TYR: variants seen among roughly 807,000 people sequenced by gnomAD.
TYR encodes tyrosinase.
TYR carries 58 observed loss-of-function variants against 51.5 expected under a neutral mutation model. The observed-to-expected ratio is 1.13, with a 90% CI of 0.91 to 1.40. The LOEUF (loss-of-function observed/expected upper bound fraction) is 1.40. TYR is among the 40% of genes most tolerant of loss of function. The pLI is 0.00. For synonymous variants in TYR, 263 were observed against 235.2 expected (o/e 1.12, Z -1.08); for missense variants, 732 against 647.4 (o/e 1.13, Z -1.42).
chr11:89,257,619 A>G (rs928230636), intron 3 of TYR, among the ~76,000 whole-genome samples: 2 of 152,094 alleles, frequency 1.3e-5, no homozygotes, highest in African/African-American at 4.8e-5. Context: ...GTATACACAC[A>G]GACAGACACA....
At chr11:89,202,028 G>A (rs1219317794) in intron 2 of TYR, among the ~76,000 whole-genome samples, 2 of 152,150 alleles carry the variant, frequency 1.3e-5, no homozygotes, top group South Asian at 2.1e-4. Flanking sequence ...CAGTAGGTCT[G>A]GCAGTGGAAG....
At chr11:89,244,752 A>G (rs988371580) in intron 3 of TYR, among the ~76,000 whole-genome samples, 1 of 152,240 alleles carries the variant, frequency 6.6e-6, no homozygotes, top group Admixed American at 6.5e-5. Flanking sequence ...ACCTCTGCAC[A>G]TATGCATTCC....
intron 2 of TYR, among the ~76,000 whole-genome samples, chr11:89,214,294 C>A (rs2135271885): frequency 6.6e-6 from 1 of 152,300 alleles, no homozygotes; most frequent in South Asian, 2.1e-4. Context: ...CTCATCATCC[C>A]TGGTCATCAG....
intron 3 of TYR, among the ~76,000 whole-genome samples, chr11:89,253,573 T>TTATTTTTGCAGC (rs1944354975): frequency 6.6e-6 from 1 of 151,796 alleles, no homozygotes; most frequent in Non-Finnish European, 1.5e-5. Flanking sequence ...TTATTTTATT[T>TTATTTTTGCAGC]TATTTTTGCA....
chr11:89,198,083 T>G (rs1943546603), intron 2 of TYR, among the ~76,000 whole-genome samples: 3 of 152,084 alleles, frequency 2.0e-5, no homozygotes, highest in Non-Finnish European at 4.4e-5. Flanking sequence ...GTTTTGAAAT[T>G]TTTAATGACA....
chr11:89,190,838 G>T (rs1481807818), intron 1 of TYR, among the ~76,000 whole-genome samples: 2 of 152,036 alleles, frequency 1.3e-5, no homozygotes, highest in East Asian at 3.9e-4. Flanking sequence ...CCTTTTACAT[G>T]TTTAGATAGG....
At chr11:89,238,791 T>C (rs1944155477) in intron 3 of TYR, among the ~76,000 whole-genome samples, 1 of 152,190 alleles carries the variant, frequency 6.6e-6, no homozygotes, top group East Asian at 1.9e-4. Flanking sequence ...GAGAGTATTA[T>C]CACAAAAGGA....
At chr11:89,272,648 G>A (rs922575559) in intron 3 of TYR, among the ~76,000 whole-genome samples, 2 of 151,862 alleles carry the variant, frequency 1.3e-5, no homozygotes, top group African/African-American at 4.8e-5. Context: ...TTAAAGCCAG[G>A]CATTGAGTTC....
At chr11:89,242,300 C>T (rs377476330) in intron 3 of TYR, among the ~76,000 whole-genome samples, 4 of 152,062 alleles carry the variant, frequency 2.6e-5, no homozygotes, top group East Asian at 1.9e-4. Flanking sequence ...CTCCACCTCC[C>T]GGGTTCAAGT....
intron 3 of TYR, among the ~76,000 whole-genome samples, chr11:89,240,254 G>C (rs1944174319): frequency 6.7e-6 from 1 of 150,214 alleles, no homozygotes. Flanking sequence ...AATGAAAGCT[G>C]GAAATCAAAA....
At chr11:89,199,773 A>C (rs1015113058) in intron 2 of TYR, among the ~76,000 whole-genome samples, 3 of 152,174 alleles carry the variant, frequency 2.0e-5, no homozygotes, top group Non-Finnish European at 2.9e-5. Flanking sequence ...ATAGGCTGTC[A>C]GTCTTCATGA....
chr11:89,247,606 T>C (rs1480076446), intron 3 of TYR, among the ~76,000 whole-genome samples: 1 of 152,186 alleles, frequency 6.6e-6, no homozygotes, highest in African/African-American at 2.4e-5. Context: ...GAAACATGAC[T>C]TGTCATTATT....
At chr11:89,200,293 G>T (rs1253645462) in intron 2 of TYR, 2 of 152,184 alleles carry the variant, frequency 1.3e-5, no homozygotes, top group African/African-American at 4.8e-5. Flanking sequence ...GGCTGGGCTG[G>T]TCTCAAACTC....
chr11:89,230,275 G>A (rs1221182152), intron 3 of TYR, among the ~76,000 whole-genome samples: 1 of 152,110 alleles, frequency 6.6e-6, no homozygotes, highest in East Asian at 1.9e-4. Flanking sequence ...CAAAAACAAT[G>A]GGGAAAGGAC....
intron 3 of TYR, among the ~76,000 whole-genome samples, chr11:89,240,793 T>C (rs1245620624): frequency 6.6e-6 from 1 of 152,182 alleles, no homozygotes; most frequent in African/African-American, 2.4e-5. Flanking sequence ...GATTTTTAGT[T>C]ACAGCTTAAT....
At chr11:89,227,553 T>C (rs1410839602) in intron 2 of TYR, among the ~76,000 whole-genome samples, 1 of 152,142 alleles carries the variant, frequency 6.6e-6, no homozygotes, top group Non-Finnish European at 1.5e-5. Context: ...ATAGGCAGAA[T>C]GAACAGGAGG....
chr11:89,254,953 G>A (rs1028177505), intron 3 of TYR, among the ~76,000 whole-genome samples: 2 of 151,214 alleles, frequency 1.3e-5, no homozygotes, highest in African/African-American at 2.4e-5. Flanking sequence ...GTTAAAGGTT[G>A]TAAACCTTCC....
intron 2 of TYR, among the ~76,000 whole-genome samples, chr11:89,216,263 ATATGACTTGTATG>A (rs1424043363): frequency 6.6e-6 from 1 of 152,182 alleles, no homozygotes; most frequent in Non-Finnish European, 1.5e-5. Context: ...AGAGTAAGAA[ATATGACTTGTATG>A]TATACTAAAA....
chr11:89,294,991 G>A, intron 4 of TYR, 152 bp from the exon 5 acceptor site: 1 of 1,272,338 alleles, frequency 7.9e-7, no homozygotes, highest in Non-Finnish European at 1.1e-6. Flanking sequence ...GGAGTATTAG[G>A]TGTAACTTTC....
Sources: allele counts gnomAD v4.1 joint callset (sites outside exome capture counted in the v4.1 genomes callset), GRCh38; gene constraint gnomAD v4.1.1; transcripts MANE v1.5; gene names NCBI Gene and HGNC (gene_info 2026-07-23, HGNC 2026-07-21).